ZNF385B: variants seen among roughly 807,000 people sequenced by gnomAD.
The protein encoded by ZNF385B is zinc finger protein 533.
In ZNF385B, 23 loss-of-function variants were observed where a neutral mutation model predicts 39.2. The ratio of observed to expected loss-of-function variants is 0.59; its 90% CI spans 0.42 to 0.83. The LOEUF (loss-of-function observed/expected upper bound fraction) is 0.83. ZNF385B is among the 40% of genes least tolerant of loss of function. ZNF385B has a pLI of 0.00. For missense variants in ZNF385B, 552 were observed against 598.9 expected, an observed-to-expected ratio of 0.92 and a Z score of 0.82; for synonymous variants, 205 against 222.6, an observed-to-expected ratio of 0.92 and a Z score of 0.70.
intron 3 of ZNF385B, among the ~76,000 whole-genome samples, chr2:179,719,454 T>A (rs574308065): frequency 6.6e-6 from 1 of 152,342 alleles, no homozygotes; most frequent in African/African-American, 2.4e-5. Flanking sequence ...TTTTACACTA[T>A]GTTTTCCCCA....
intron 3 of ZNF385B, among the ~76,000 whole-genome samples, chr2:179,699,130 A>AT (rs397738677): frequency 1.3e-4 from 20 of 150,294 alleles, no homozygotes; most frequent in African/African-American, 2.9e-4. Context: ...ATATATATAT[A>AT]AAATTTACCA....
chr2:179,519,522 C>T (rs2058334497), intron 4 of ZNF385B, among the ~76,000 whole-genome samples: 1 of 152,102 alleles, frequency 6.6e-6, no homozygotes, highest in East Asian at 1.9e-4. Context: ...GAGAAATATA[C>T]AGTGATACAA....
At chr2:179,609,924 T>C (rs1689149547) in intron 3 of ZNF385B, among the ~76,000 whole-genome samples, 1 of 152,232 alleles carries the variant, frequency 6.6e-6, no homozygotes, top group African/African-American at 2.4e-5. Flanking sequence ...AATTTTTCTA[T>C]AGAATTGCTT....
At chr2:179,662,882 T>C (rs999994373) in intron 3 of ZNF385B, among the ~76,000 whole-genome samples, 2 of 152,232 alleles carry the variant, frequency 1.3e-5, no homozygotes, top group Non-Finnish European at 2.9e-5. Flanking sequence ...TGTTTTTTAT[T>C]AAATACTAAA....
intron 5 of ZNF385B, among the ~76,000 whole-genome samples, chr2:179,493,446 T>C (rs1056532553): frequency 2.0e-5 from 3 of 150,794 alleles, no homozygotes; most frequent in African/African-American, 4.9e-5. Context: ...CGTATATGCA[T>C]GTGTACATGT....
chr2:179,489,957 T>C (rs913240962), intron 5 of ZNF385B, among the ~76,000 whole-genome samples: 1 of 152,256 alleles, frequency 6.6e-6, no homozygotes, highest in African/African-American at 2.4e-5. Flanking sequence ...AGTGAAACGC[T>C]ACAAGTTGCT....
intron 3 of ZNF385B, among the ~76,000 whole-genome samples, chr2:179,721,977 G>A (rs543952606): frequency 9.9e-5 from 15 of 152,056 alleles, no homozygotes; most frequent in African/African-American, 3.6e-4. Flanking sequence ...ATATAAAATA[G>A]TCTAAAGATA....
chr2:179,855,044 G>A (rs937801469), intron 1 of ZNF385B, among the ~76,000 whole-genome samples: 1 of 151,970 alleles, frequency 6.6e-6, no homozygotes, highest in Non-Finnish European at 1.5e-5. Flanking sequence ...AGCTCTGCCA[G>A]GCCCACTGGA....
At chr2:179,784,068 A>C (rs561566886) in intron 1 of ZNF385B, among the ~76,000 whole-genome samples, 1 of 152,322 alleles carries the variant, frequency 6.6e-6, no homozygotes, top group African/African-American at 2.4e-5. Context: ...ACATGGAATT[A>C]ACCTAAATGC....
rs80288112 is a variant in ZNF385B at position 179,711,579 on chromosome 2, A to G, written c.298+57924T>C. ...GTGTGTTCAGAATCCAAGCTAAAGA[A>G]TCTGGGAGTGGCCAACCCAGAGATT... On this transcript the variant is annotated intron_variant, in intron 3 of 9. Transcript: ENST00000410066. 8.2e-3 allele frequency among the ~76,000 whole-genome samples: 1,248 copies of G among 152,264 alleles called. 17 individuals carry two copies. The highest frequency in any genetic ancestry group is 0.029 in the African/African-American group (1,188 of 41,552).
chr2:179,692,505 C>T (rs1275056103), intron 3 of ZNF385B, among the ~76,000 whole-genome samples: 1 of 152,150 alleles, frequency 6.6e-6, no homozygotes, highest in Non-Finnish European at 1.5e-5. Context: ...ACCTCCCCAA[C>T]CCCATGTCAG....
intron 3 of ZNF385B, among the ~76,000 whole-genome samples, chr2:179,595,547 C>T (rs911980475): frequency 1.3e-5 from 2 of 151,884 alleles, no homozygotes; most frequent in African/African-American, 4.8e-5. Context: ...TTTGAGCAGC[C>T]CAGTTCTCTG....
chr2:179,686,067 C>A (rs1464475962), intron 3 of ZNF385B, among the ~76,000 whole-genome samples: 2 of 152,152 alleles, frequency 1.3e-5, no homozygotes, highest in South Asian at 2.1e-4. Flanking sequence ...CTTTCATTTG[C>A]CCACTTGAAT....
intron 3 of ZNF385B, chr2:179,745,891 C>T: frequency 1.6e-6 from 2 of 1,258,530 alleles, no homozygotes; most frequent in South Asian, 6.8e-5. Context: ...CGCTCCAAGC[C>T]TTCCCAGTTG....
At chr2:179,495,512 TAGGCAGCAGCCATG>T in intron 5 of ZNF385B, among the ~76,000 whole-genome samples, 2 of 152,222 alleles carry the variant, frequency 1.3e-5, no homozygotes, top group Middle Eastern at 6.8e-3. Context: ...TGCGTAAACA[TAGGCAGCAGCCATG>T]GAGTGGCTGC....
chr2:179,452,871 T>C (rs1245190697), intron 6 of ZNF385B, among the ~76,000 whole-genome samples: 3 of 152,186 alleles, frequency 2.0e-5, no homozygotes, highest in Admixed American at 2.0e-4. Flanking sequence ...TACTCAACTC[T>C]GCTTTGTAGC....
intron 3 of ZNF385B, among the ~76,000 whole-genome samples, chr2:179,742,954 C>T (rs1702165982): frequency 6.6e-6 from 1 of 152,026 alleles, no homozygotes; most frequent in Non-Finnish European, 1.5e-5. Context: ...AATCCTACTA[C>T]TTCTGAAGGA....
chr2:179,609,796 T>C (rs1195830999), intron 3 of ZNF385B, among the ~76,000 whole-genome samples: 1 of 152,240 alleles, frequency 6.6e-6, no homozygotes, highest in African/African-American at 2.4e-5. Context: ...CATTGCAGTT[T>C]TGATTTGCAG....
chr2:179,736,947 C>T (rs1326024650), intron 3 of ZNF385B, among the ~76,000 whole-genome samples: 2 of 152,132 alleles, frequency 1.3e-5, no homozygotes, highest in Admixed American at 6.5e-5. Flanking sequence ...TCCAGCCTGG[C>T]GACAGAGCGA....
Sources: allele counts gnomAD v4.1 joint callset (sites outside exome capture counted in the v4.1 genomes callset), GRCh38; gene constraint gnomAD v4.1.1; transcripts MANE v1.5; gene names NCBI Gene and HGNC (gene_info 2026-07-23, HGNC 2026-07-21).